VEPH1: variants seen among roughly 807,000 people sequenced by gnomAD.
VEPH1 encodes the protein ventricular zone expressed PH domain containing 1.
A neutral mutation model predicts 85.2 loss-of-function variants in VEPH1; 80 were observed. The ratio of observed to expected loss-of-function variants is 0.94; its 90% confidence interval spans 0.78 to 1.13. VEPH1 has a LOEUF of 1.13. Ranked by LOEUF, VEPH1 falls within the 50% of genes most tolerant of loss-of-function variation. The pLI is 0.00. For missense variants in VEPH1, 955 were observed against 980.5 expected (o/e 0.97, Z 0.35); for synonymous variants, 297 against 348.0 (o/e 0.85, Z 1.63).
At chr3:157,293,371 T>C (rs1315117011) in intron 11 of VEPH1, among the ~76,000 whole-genome samples, 1 of 152,202 alleles carries the variant, frequency 6.6e-6, no homozygotes, top group Non-Finnish European at 1.5e-5. Context: ...ATGAGGCCAA[T>C]GTGGCAAACT....
chr3:157,277,478 T>C (rs1365096666), intron 12 of VEPH1, among the ~76,000 whole-genome samples: 1 of 152,240 alleles, frequency 6.6e-6, no homozygotes, highest in Non-Finnish European at 1.5e-5. Flanking sequence ...ACCATTGTCC[T>C]ACCTGCCTGT....
intron 4 of VEPH1, chr3:157,459,588 A>G: frequency 8.5e-7 from 1 of 1,176,134 alleles, no homozygotes; most frequent in Non-Finnish European, 1.1e-6. Context: ...GATTGATCTG[A>G]AACCAAAGAA....
At chr3:157,344,785 G>A (rs1326534634) in intron 9 of VEPH1, among the ~76,000 whole-genome samples, 1 of 152,126 alleles carries the variant, frequency 6.6e-6, no homozygotes, top group Non-Finnish European at 1.5e-5. Context: ...ATACTACACG[G>A]CTACAATAAC....
chr3:157,280,546 T>G (rs1013046050), intron 12 of VEPH1, among the ~76,000 whole-genome samples: 1 of 152,218 alleles, frequency 6.6e-6, no homozygotes, highest in Non-Finnish European at 1.5e-5. Flanking sequence ...CTTGTTTCTC[T>G]TCAAGATTTA....
At chr3:157,366,759 AAAAC>A (rs1401466493) in intron 7 of VEPH1, among the ~76,000 whole-genome samples, 8 of 152,132 alleles carry the variant, frequency 5.3e-5, no homozygotes, top group African/African-American at 9.7e-5. Context: ...AACAACAACA[AAAAC>A]AAACAACAAC....
intron 6 of VEPH1, among the ~76,000 whole-genome samples, chr3:157,392,381 C>G (rs1187905388): frequency 6.6e-6 from 1 of 152,168 alleles, no homozygotes; most frequent in South Asian, 2.1e-4. Flanking sequence ...AAGACTTATT[C>G]ACTATCACGA....
At chr3:157,369,074 ATTG>A (rs1167028419) in intron 7 of VEPH1, among the ~76,000 whole-genome samples, 1 of 150,636 alleles carries the variant, frequency 6.6e-6, no homozygotes, top group Admixed American at 6.7e-5. Flanking sequence ...CTGAGACCAC[ATTG>A]TTGTCTGAAG....
chr3:157,495,152 A>G (rs1453059658), intron 2 of VEPH1, 60 bp downstream of exon 2: 1 of 1,531,960 alleles, frequency 6.5e-7, no homozygotes, highest in African/African-American at 1.4e-5. Context: ...GGATATAAAC[A>G]AATCTCTAGC....
intron 6 of VEPH1, among the ~76,000 whole-genome samples, chr3:157,401,474 A>C (rs933842939): frequency 6.6e-6 from 1 of 152,206 alleles, no homozygotes; most frequent in African/African-American, 2.4e-5. Context: ...CTTATTTTCA[A>C]AACAAATAGC....
chr3:157,476,735 G>C (rs750127247), intron 2 of VEPH1, among the ~76,000 whole-genome samples: 1 of 152,178 alleles, frequency 6.6e-6, no homozygotes, highest in Non-Finnish European at 1.5e-5. Flanking sequence ...GTGTCAAGGG[G>C]ACCAGCAGAT....
At chr3:157,297,620 T>C (rs899873391) in intron 11 of VEPH1, among the ~76,000 whole-genome samples, 1 of 151,938 alleles carries the variant, frequency 6.6e-6, no homozygotes, top group African/African-American at 2.4e-5. Context: ...AGAGAAAGAA[T>C]GCAGTACTAA....
At chr3:157,492,421 A>AT (rs535876157) in intron 2 of VEPH1, among the ~76,000 whole-genome samples, 1 of 152,132 alleles carries the variant, frequency 6.6e-6, no homozygotes, top group Non-Finnish European at 1.5e-5. Flanking sequence ...TACCAACAAA[A>AT]TTGAGTTTTC....
chr3:157,457,148 T>TG (rs1311399587), intron 4 of VEPH1, among the ~76,000 whole-genome samples: 6 of 152,112 alleles, frequency 3.9e-5, no homozygotes, highest in Non-Finnish European at 7.4e-5. Context: ...CACTTGTAAA[T>TG]GGGATTGCAT....
intron 6 of VEPH1, among the ~76,000 whole-genome samples, chr3:157,391,970 C>A (rs1229792466): frequency 1.3e-5 from 2 of 152,134 alleles, no homozygotes; most frequent in Admixed American, 6.6e-5. Flanking sequence ...GAATTTCATA[C>A]CCCGCCATAC....
In VEPH1 at chr3:157,265,568, A is replaced by G; in HGVS notation, c.2223T>C (p.Phe741=). The G allele has an allele frequency of 6.2e-7, 1 of 1,613,534 alleles. No homozygotes were observed. Among genetic ancestry groups the G allele is most frequent in the Non-Finnish European group, 8.5e-7 (1 of 1,179,604 alleles). The change falls in exon 13 of 14, where the codon TTT becomes TTC. Residue 741 remains phenylalanine (F), a synonymous_variant. Coordinates refer to ENST00000362010, the MANE Select transcript of VEPH1 (RefSeq NM_001167912.2). ...KFIKRWKTRY[F]TLAGNQLLFQ... ...ACAGAAGTTGATTTCCAGCCAGTGT[A>G]AAATAGCGTGTTTTCCACCTTTTGA...
At chr3:157,314,417 A>G (rs1461489418) in intron 10 of VEPH1, among the ~76,000 whole-genome samples, 1 of 150,496 alleles carries the variant, frequency 6.6e-6, no homozygotes, top group African/African-American at 2.4e-5. Flanking sequence ...ATTTTTTAAC[A>G]GAAATTTAAA....
intron 2 of VEPH1, among the ~76,000 whole-genome samples, chr3:157,482,773 T>C (rs1560101993): frequency 6.6e-6 from 1 of 152,196 alleles, no homozygotes; most frequent in Non-Finnish European, 1.5e-5. Flanking sequence ...ATTGTGTTCT[T>C]GTTTTGGCTC....
At chr3:157,348,943 A>G (rs1228429938) in intron 9 of VEPH1, among the ~76,000 whole-genome samples, 2 of 152,162 alleles carry the variant, frequency 1.3e-5, no homozygotes, top group Non-Finnish European at 2.9e-5. Context: ...ATTAATACCA[A>G]TTTTTCTCAA....
chr3:157,359,377 A>G lies in VEPH1; in HGVS notation c.1735+3987T>C, dbSNP rs1247000893. On this transcript the variant is annotated intron_variant, in intron 9 of 13. Coordinates refer to ENST00000362010, the MANE Select transcript of VEPH1 (RefSeq NM_001167912.2). ...TAAATAAATACAATCAGCCAGTGAT[A>G]TTAGACCATTGCTCTGCTTATGAAT... Among the ~76,000 whole-genome samples, 3 of 152,246 alleles carry G rather than the reference A, an allele frequency of 2.0e-5. No individual in the cohort carries two copies. The East Asian group carries it at 5.8e-4, about 29-fold the overall frequency.
Sources: gnomAD v4.1 joint callset for allele counts (sites outside exome capture counted in the v4.1 genomes callset) on GRCh38, gnomAD v4.1.1 for gene constraint, MANE v1.5 for transcripts, NCBI Gene and HGNC (gene_info 2026-07-23, HGNC 2026-07-21) for gene names.